The following DNAI3 variants were observed in gnomAD, a reference collection of about 807,000 sequenced individuals.
The protein encoded by DNAI3 is WD repeat domain 63.
DNAI3 carries 83 observed loss-of-function variants against 115.5 expected under a neutral mutation model. The observed-to-expected ratio is 0.72, with a 90% CI of 0.60 to 0.86. The LOEUF (loss-of-function observed/expected upper bound fraction) is 0.86, where lower values mean the gene tolerates loss of function less well. Ranked by LOEUF, DNAI3 falls within the 40% of genes least tolerant of loss-of-function variation. The probability of loss-of-function intolerance (pLI) is 0.00; values close to 1 mark genes in which losing one functional copy is unlikely to be tolerated. For missense variants in DNAI3, 1,004 were observed against 1,075.8 expected (o/e 0.93, Z 0.93); for synonymous variants, 320 against 347.0 (o/e 0.92, Z 0.86).
intron 18 of DNAI3, 111 bp from the exon 19 acceptor site, chr1:85,124,010 C>G: frequency 7.0e-7 from 1 of 1,420,080 alleles, no homozygotes; most frequent in Non-Finnish European, 9.6e-7. Context: ...TTCTCCACTC[C>G]CCGACCCCAT....
chr1:85,123,944 A>G (rs989573168), intron 18 of DNAI3, among the ~76,000 whole-genome samples, 177 bp from the exon 19 acceptor site: 19 of 152,264 alleles, frequency 1.2e-4, no homozygotes, highest in Non-Finnish European at 2.4e-4. Flanking sequence ...TGGACATTCC[A>G]TAATAACAGA....
At chr1:85,103,658 G>C (rs991526158) in intron 13 of DNAI3, among the ~76,000 whole-genome samples, 14 of 151,928 alleles carry the variant, frequency 9.2e-5, no homozygotes, top group Non-Finnish European at 1.9e-4. Context: ...AGGCCGAGGT[G>C]GGTGGATCAC....
chr1:85,123,080 T>C (rs2100613218), intron 18 of DNAI3, among the ~76,000 whole-genome samples: 1 of 152,308 alleles, frequency 6.6e-6, no homozygotes, highest in African/African-American at 2.4e-5. Context: ...CTGGCTGTCA[T>C]TCTCAGCATT....
intron 17 of DNAI3, 112 bp downstream of exon 17, chr1:85,117,971 T>C: frequency 2.3e-6 from 3 of 1,303,412 alleles, no homozygotes; most frequent in Non-Finnish European, 3.1e-6. Flanking sequence ...TATACCATTT[T>C]CATATTTTAG....
At chr1:85,107,930 T>A in intron 14 of DNAI3, 103 bp from the exon 15 acceptor site, 1 of 796,558 alleles carries the variant, frequency 1.3e-6, no homozygotes, top group Non-Finnish European at 1.8e-6. Flanking sequence ...TACATTAAAA[T>A]ATAGCCATGG....
At chr1:85,110,251 A>C in intron 16 of DNAI3, 116 bp downstream of exon 16, 1 of 834,454 alleles carries the variant, frequency 1.2e-6, no homozygotes, top group Non-Finnish European at 1.8e-6. Context: ...GCAGATCGAG[A>C]TCATCCTGGC....
intron 4 of DNAI3, among the ~76,000 whole-genome samples, chr1:85,081,869 G>A (rs1032282240): frequency 1.3e-5 from 2 of 152,278 alleles, no homozygotes; most frequent in Admixed American, 1.3e-4. Flanking sequence ...TCAAACTCCT[G>A]AGCTCAAGTG....
rs1426082646 is a variant in DNAI3 at position 85,131,301 on chromosome 1, G to A, written c.2532+1189G>A. Among the ~76,000 whole-genome samples the A allele has an allele frequency of 4.6e-5, 7 of 152,016 alleles. 1 individual carries two copies. The highest frequency in any genetic ancestry group is 4.2e-4 in the South Asian group (2 of 4,794). On this transcript the variant is annotated intron_variant, in intron 22 of 22. Transcript: ENST00000294664. ...CTCTACTAAAAATACAAAATAAGCC[G>A]GGCATGGTGGCACATACCTGTAATC... is the stretch of plus-strand genomic sequence containing the variant.
At chr1:85,122,957 G>C (rs1656032320) in intron 18 of DNAI3, among the ~76,000 whole-genome samples, 1 of 152,106 alleles carries the variant, frequency 6.6e-6, no homozygotes. Flanking sequence ...CAGAGAAGCA[G>C]GAAGACCCTG....
intron 9 of DNAI3, chr1:85,093,856 G>A (rs1655052037): frequency 5.8e-6 from 4 of 685,530 alleles, no homozygotes; most frequent in Non-Finnish European, 1.1e-5. Context: ...CATTATCTCT[G>A]TTTCACAACA....
At chr1:85,077,086 A>G (rs1437096237) in intron 3 of DNAI3, among the ~76,000 whole-genome samples, 2 of 152,350 alleles carry the variant, frequency 1.3e-5, no homozygotes, top group Non-Finnish European at 2.9e-5. Context: ...AACTCTTTTT[A>G]CTATAAAAAG....
chr1:85,122,042 G>A (rs1464724591), intron 18 of DNAI3, among the ~76,000 whole-genome samples: 1 of 152,106 alleles, frequency 6.6e-6, no homozygotes, highest in Non-Finnish European at 1.5e-5. Context: ...CTTCTGAATT[G>A]GAATCTGGAT....
intron 16 of DNAI3, among the ~76,000 whole-genome samples, chr1:85,113,171 G>C (rs1198468421): frequency 1.3e-5 from 2 of 152,070 alleles, no homozygotes; most frequent in African/African-American, 4.8e-5. Context: ...TTTTCTCCTA[G>C]TCTGTGATTT....
chr1:85,085,759 G>C, intron 6 of DNAI3, 72 bp from the exon 7 acceptor site: 1 of 1,305,226 alleles, frequency 7.7e-7, no homozygotes. Flanking sequence ...GAGTGGATCT[G>C]AGCAGAGTAC....
At chr1:85,124,798 T>C (rs945103602) in intron 19 of DNAI3, among the ~76,000 whole-genome samples, 5 of 152,134 alleles carry the variant, frequency 3.3e-5, no homozygotes, top group African/African-American at 1.2e-4. Flanking sequence ...CCTCCCGAAG[T>C]GCTGGGATTA....
At chr1:85,117,421 A>G (rs1445984345) in intron 16 of DNAI3, among the ~76,000 whole-genome samples, 1 of 152,218 alleles carries the variant, frequency 6.6e-6, no homozygotes, top group African/African-American at 2.4e-5. Context: ...AGGTGACATC[A>G]AATACTTTTA....
intron 9 of DNAI3, 106 bp downstream of exon 9, chr1:85,093,754 A>G (rs1557714876): frequency 2.2e-6 from 3 of 1,384,058 alleles, no homozygotes; most frequent in East Asian, 2.4e-5. Context: ...GACACCTTCC[A>G]TTTGCTCTGT....
rs1655045903 is a variant in DNAI3, at chr1:85,093,666, G to A, written c.1048+18G>A. ...TATCTATGGTGAGATGGAAATGATG[G>A]GGATTCCCTTTTGTGATAACATTGA... On this transcript the variant is annotated intron_variant, in intron 9 of 22. Transcript: ENST00000294664. The A allele has an allele frequency of 6.2e-7, 1 of 1,613,178 alleles. No homozygotes were observed. Among genetic ancestry groups the A allele is most frequent in the Non-Finnish European group, 8.5e-7 (1 of 1,179,316 alleles).
At position 85,108,158 on chromosome 1, in the gene DNAI3, C is replaced by T. The variant is rs769836816; in HGVS notation, c.1679C>T (p.Ser560Phe). The stretch of plus-strand genomic sequence containing the variant: ...TCTACTTTTTTGCATCTGGATCTCT[C>T]CTGGAAACCTCTCACTAAGGTAAGT... Reference protein sequence around the residue: ...VPSTFLHLDLSWKPLTKVRLS... With the variant: ...VPSTFLHLDLFWKPLTKVRLS... The change falls in exon 15 of 23, where the codon TCC becomes TTC. Residue 560 changes from serine to phenylalanine, a missense_variant. Ser to Phe is a radical substitution (Grantham distance 155). Transcript: ENST00000294664. The T allele has an allele frequency of 1.9e-6, 3 of 1,599,692 alleles. No homozygotes were observed. Among genetic ancestry groups the T allele is most frequent in the East Asian group, 4.5e-5 (2 of 44,570 alleles).
Sources: allele counts gnomAD v4.1 joint callset (sites outside exome capture counted in the v4.1 genomes callset), GRCh38; gene constraint gnomAD v4.1.1; transcripts MANE v1.5; gene names NCBI Gene and HGNC (gene_info 2026-07-23, HGNC 2026-07-21).